The following ZNF292 variants were observed in gnomAD, a reference collection of about 807,000 sequenced individuals.
ZNF292 encodes 16 zinc-finger domain protein.
In ZNF292, 26 loss-of-function variants were observed where a neutral mutation model predicts 217.9. The ratio of observed to expected loss-of-function variants is 0.12; its 90% confidence interval spans 0.09 to 0.17. ZNF292 has a LOEUF of 0.17. Ranked by LOEUF, ZNF292 falls within the 10% of genes least tolerant of loss-of-function variation. The pLI is 1.00. For synonymous variants in ZNF292, 1,257 were observed against 1,124.1 expected, an observed-to-expected ratio of 1.12 and a Z score of -2.37; for missense variants, 2,904 against 3,175.2, an observed-to-expected ratio of 0.91 and a Z score of 2.05.
At chr6:87,159,314 G>A (rs917039691) in intron 1 of ZNF292, among the ~76,000 whole-genome samples, 5 of 151,926 alleles carry the variant, frequency 3.3e-5, no homozygotes, top group Admixed American at 3.3e-4. Context: ...GTGGGAGGAG[G>A]GAAGAGTAAG....
rs1775329138 is a variant in ZNF292 at position 87,257,991 on chromosome 6, A to G, written c.4362A>G (p.Leu1454=). Reference sequence around the variant, plus strand: ...CATGTTTTAAAGATCCATCATTTCTACAGCTTCTTGCTGAAAATCGCTCGC... The same window carrying G: ...CATGTTTTAAAGATCCATCATTTCTGCAGCTTCTTGCTGAAAATCGCTCGC... ...PEACFKDPSF[L]QLLAENRSPA... Residue 1454 remains leucine (L), a synonymous_variant, in exon 8 of 8, where the codon CTA becomes CTG. Transcript: ENST00000369577. 3 of 1,613,824 alleles carry G rather than the reference A, an allele frequency of 1.9e-6. No homozygotes were observed. In the African/African-American group the frequency reaches 4.0e-5, roughly 22 times the overall value.
intron 5 of ZNF292, among the ~76,000 whole-genome samples, chr6:87,241,191 G>A (rs1203030413): frequency 3.3e-5 from 5 of 152,172 alleles, no homozygotes; most frequent in African/African-American, 1.2e-4. Context: ...GGCTAAGGCA[G>A]GAGAGTCGCT....
Position 87,260,301 on chromosome 6 carries a change from A to C in ZNF292, c.6672A>C (p.Lys2224Asn), listed in dbSNP as rs201167963. 1.8e-4 allele frequency: 295 copies of C among 1,613,474 alleles called. No homozygotes were observed. The highest frequency in any genetic ancestry group is 2.4e-4 in the Non-Finnish European group (288 of 1,179,638). ...TTCCATGTGACCAGTTAGAGTGTAA[A>C]TCTTCATTTACTACATATTTGAACT... ...GKFPCDQLECKSSFTTYLNYV... is the reference protein window; with the variant it reads ...GKFPCDQLECNSSFTTYLNYV... The change falls in exon 8 of 8, where the codon AAA becomes AAC. Residue 2224 changes from lysine to asparagine, a missense_variant. By Grantham distance (94) the Lys-to-Asn change is moderately conservative (BLOSUM62 0). This residue lies in a region of ZNF292 where 55 missense variants were observed against 99.8 expected (regional missense o/e 0.55). Coordinates refer to ENST00000369577, the MANE Select transcript of ZNF292 (RefSeq NM_015021.3).
chr6:87,251,886 C>T (rs1376988366), intron 7 of ZNF292, among the ~76,000 whole-genome samples: 8 of 152,136 alleles, frequency 5.3e-5, no homozygotes, highest in Admixed American at 3.9e-4. Context: ...TATTGAGGCT[C>T]CTCACCCTTA....
intron 3 of ZNF292, among the ~76,000 whole-genome samples, chr6:87,217,038 A>G (rs1026953429): frequency 1.3e-5 from 2 of 152,022 alleles, no homozygotes; most frequent in African/African-American, 2.4e-5. Context: ...TATGGCTTCA[A>G]CTAAATTTTG....
chr6:87,181,223 T>G (rs1771463876), intron 1 of ZNF292, among the ~76,000 whole-genome samples: 1 of 152,006 alleles, frequency 6.6e-6, no homozygotes, highest in South Asian at 2.1e-4. Flanking sequence ...ACACGCAGGC[T>G]CGAAGGATGA....
rs142496007 is a variant in ZNF292 at position 87,174,615 on chromosome 6, G to T, written c.168+18856G>T. On this transcript the variant is annotated intron_variant, in intron 1 of 7. Transcript: ENST00000369577. Reference sequence around the variant, plus strand: ...GCTTCGCTGTACTAAGATAGTGAATGTTCTTGTCCTAGAGTCATAATAAAG... The same window carrying T: ...GCTTCGCTGTACTAAGATAGTGAATTTTCTTGTCCTAGAGTCATAATAAAG... 2.2e-4 allele frequency among the ~76,000 whole-genome samples: 33 copies of T among 152,176 alleles called. No homozygotes were observed. The East Asian group carries it at 5.6e-3, about 26-fold the overall frequency.
chr6:87,210,191 A>C (rs919486754), intron 1 of ZNF292, among the ~76,000 whole-genome samples: 1 of 152,234 alleles, frequency 6.6e-6, no homozygotes, highest in African/African-American at 2.4e-5. Context: ...AATAAACTTA[A>C]GAGCCAAATT....
chr6:87,223,999 T>C (rs1438253116), intron 4 of ZNF292: 1 of 152,242 alleles, frequency 6.6e-6, no homozygotes, highest in Admixed American at 6.5e-5. Context: ...CCCTTGCTTA[T>C]CTGTGACCTC....
At chr6:87,160,513 G>GTGTGTATA (rs377563820) in intron 1 of ZNF292, among the ~76,000 whole-genome samples, 16 of 148,686 alleles carry the variant, frequency 1.1e-4, no homozygotes, top group Admixed American at 2.7e-4. Flanking sequence ...GTGTGTGTGT[G>GTGTGTATA]TATATATATG....
chr6:87,171,713 G>A (rs974848673), intron 1 of ZNF292, among the ~76,000 whole-genome samples: 1 of 152,084 alleles, frequency 6.6e-6, no homozygotes, highest in Non-Finnish European at 1.5e-5. Context: ...ATTTTATACT[G>A]ATGGCATATG....
chr6:87,237,906 A>T (rs902270657), intron 5 of ZNF292, among the ~76,000 whole-genome samples: 1 of 152,162 alleles, frequency 6.6e-6, no homozygotes, highest in South Asian at 2.1e-4. Flanking sequence ...AATCTTGTTC[A>T]TTGGTGGCTA....
chr6:87,233,311 C>T lies in ZNF292; in HGVS notation c.539-14C>T. ...ACCAAATGTTAATAATCTATTATGT[C>T]TTGTTTTTTAAAGTGAATGAATTTT... On this transcript the variant is annotated splice_polypyrimidine_tract_variant and intron_variant, in intron 4 of 7. Transcript: ENST00000369577. The T allele has an allele frequency of 6.3e-7, 1 of 1,574,830 alleles. No individual in the cohort carries two copies. Among genetic ancestry groups the T allele is most frequent in the Non-Finnish European group, 8.7e-7 (1 of 1,151,396 alleles).
chr6:87,259,644 G>C lies in ZNF292; in HGVS notation c.6015G>C (p.Val2005=). The change falls in exon 8 of 8, where the codon GTG becomes GTC. Residue 2005 remains valine (V), a synonymous_variant. Transcript: ENST00000369577. ...ENVPASRSTQ[V]KKQLAMTEEN... The stretch of plus-strand genomic sequence containing the variant: ...TGCCGGCCTCACGAAGTACACAAGT[G>C]AAAAAACAGCTAGCTATGACAGAGG... The C allele has an allele frequency of 6.3e-7, 1 of 1,585,868 alleles. No homozygotes were observed. Among genetic ancestry groups the C allele is most frequent in the East Asian group, 2.3e-5 (1 of 43,790 alleles).
Position 87,193,673 on chromosome 6 carries a change from C to T in ZNF292, c.169-22230C>T, listed in dbSNP as rs117100082. 3.5e-3 allele frequency among the ~76,000 whole-genome samples: 533 copies of T among 152,258 alleles called. 10 individuals are homozygous for T. Among genetic ancestry groups the T allele is most frequent in the Admixed American group, 0.021 (316 of 15,294 alleles). On this transcript the variant is annotated intron_variant, in intron 1 of 7. Coordinates refer to ENST00000369577, the MANE Select transcript of ZNF292 (RefSeq NM_015021.3). ...CAGATTCCCACACAAGCACGCCCTC[C>T]GAGGGTAATAAGACAGCTCAGTGTG...
In ZNF292 at chr6:87,259,863, A is replaced by G; in HGVS notation, c.6234A>G (p.Lys2078=). Residue 2078 remains lysine, a synonymous_variant, in exon 8 of 8, where the codon AAA becomes AAG. Transcript: ENST00000369577. ...NTNALTNTQT[K]GRKIRRHKKE... ...ATGCACTCACAAACACACAAACCAA[A>G]GGACGGAAGATTAGGAGGCATAAAA... The G allele has an allele frequency of 6.2e-7, 1 of 1,613,414 alleles. No individual in the cohort carries two copies. Among genetic ancestry groups the G allele is most frequent in the Non-Finnish European group, 8.5e-7 (1 of 1,179,610 alleles).
chr6:87,158,228 A>C (rs996458162), intron 1 of ZNF292, among the ~76,000 whole-genome samples: 23 of 152,238 alleles, frequency 1.5e-4, no homozygotes, highest in African/African-American at 5.5e-4. Flanking sequence ...ATTTAAATAC[A>C]CTTAAAAGTA....
Position 87,258,176 on chromosome 6 carries a change from G to A in ZNF292, c.4547G>A (p.Cys1516Tyr). 4 of 1,611,842 alleles carry A rather than the reference G, an allele frequency of 2.5e-6. No homozygotes were observed. Among genetic ancestry groups the A allele is most frequent in the Non-Finnish European group, 3.4e-6 (4 of 1,179,092 alleles). Residue 1516 changes from cysteine to tyrosine, a missense_variant, in exon 8 of 8, where the codon TGT (cysteine) becomes TAT (tyrosine). Cys to Tyr is a radical substitution (Grantham distance 194, BLOSUM62 -2). Coordinates refer to ENST00000369577, the MANE Select transcript of ZNF292 (RefSeq NM_015021.3). Reference sequence around the variant, plus strand: ...ATGCTTTCTCATGTTTCAACAGGTTGTGTCTCTGATGCATCACAAGTAAAT... The same window carrying A: ...ATGCTTTCTCATGTTTCAACAGGTTATGTCTCTGATGCATCACAAGTAAAT... ...AEMLSHVSTGCVSDASQVNAT... is the reference protein window; with the variant it reads ...AEMLSHVSTGYVSDASQVNAT...
In ZNF292 at chr6:87,263,034, C is replaced by T. The variant is rs933991427; in HGVS notation, c.*1233C>T. 6 of 151,978 alleles carry T rather than the reference C, an allele frequency of 3.9e-5. No homozygotes were observed. The highest frequency in any genetic ancestry group is 1.4e-4 in the African/African-American group (6 of 41,418). 9.4% of individuals were successfully genotyped at this position (151,978 alleles called of 1,614,324 possible). A position where few individuals can be genotyped will look rare whatever the true frequency, so the allele number is the denominator to read the frequency against. On this transcript the variant is annotated 3_prime_UTR_variant, in exon 8 of 8. Transcript: ENST00000369577. ...ATTGTACAGATTTGTCTGTATTTCT[C>T]ACCATATCTAATGATACTTTTTTCA...
Sources: allele counts gnomAD v4.1 joint callset (sites outside exome capture counted in the v4.1 genomes callset), GRCh38; gene constraint gnomAD v4.1.1; regional missense constraint gnomAD v4.1.1; transcripts MANE v1.5; gene names NCBI Gene and HGNC (gene_info 2026-07-23, HGNC 2026-07-21).